PKN2: variants seen among roughly 807,000 people sequenced by gnomAD.
The protein encoded by PKN2 is serine/threonine-protein kinase N2.
A neutral mutation model predicts 119.1 loss-of-function variants in PKN2; 38 were observed. That is an observed-to-expected ratio of 0.32 (90% confidence interval 0.25 to 0.42). The LOEUF is 0.42. Among genes scored for constraint, PKN2 ranks in the 10% least tolerant of loss-of-function variants. PKN2 has a pLI of 1.00. For synonymous variants in PKN2, 390 were observed against 384.9 expected (o/e 1.01, Z -0.15); for missense variants, 850 against 1,165.1 (o/e 0.73, Z 3.94).
intron 1 of PKN2, among the ~76,000 whole-genome samples, chr1:88,723,241 G>A (rs76343699): frequency 6.6e-6 from 1 of 151,720 alleles, no homozygotes; most frequent in Non-Finnish European, 1.5e-5. Context: ...AGCCTCATGA[G>A]TAGCTGGGAT....
At chr1:88,830,083 T>C (rs1010816966) in intron 19 of PKN2, among the ~76,000 whole-genome samples, 4 of 152,182 alleles carry the variant, frequency 2.6e-5, no homozygotes, top group African/African-American at 7.2e-5. Flanking sequence ...ACTGATCTTC[T>C]GCCCATTTTC....
At chr1:88,764,813 A>G (rs1259243205) in intron 3 of PKN2, among the ~76,000 whole-genome samples, 2 of 152,178 alleles carry the variant, frequency 1.3e-5, no homozygotes, top group African/African-American at 4.8e-5. Flanking sequence ...GGCTTTAAGC[A>G]GCATCATTGG....
In PKN2 at chr1:88,833,828, T is replaced by TAAGTGATTAACTTATA. The variant is rs1672833567; in HGVS notation, c.*380_*381insAAGTGATTAACTTATA. 1 of 166,796 alleles carries TAAGTGATTAACTTATA rather than the reference T, an allele frequency of 6.0e-6. No individual in the cohort carries two copies. The highest frequency in any genetic ancestry group is 6.1e-5 in the Admixed American group (1 of 16,426). The allele number at this position is 166,796 out of a possible 1,614,324, so 10.3% of individuals were successfully genotyped here. A position where few individuals can be genotyped will look rare whatever the true frequency, so the allele number is the denominator to read the frequency against. On this transcript the variant is annotated 3_prime_UTR_variant, in exon 22 of 22. Transcript: ENST00000370521. ...GGAAGGAAAGTTAATCACTTAACTA[T>TAAGTGATTAACTTATA]GTTTTATAAAAAGAAAAAAGGGCTT...
chr1:88,821,421 C>G (rs1462610636), intron 16 of PKN2, among the ~76,000 whole-genome samples: 1 of 152,146 alleles, frequency 6.6e-6, no homozygotes, highest in Admixed American at 6.5e-5. Context: ...TTCTCTGTCA[C>G]TAAGAGAAAA....
intron 2 of PKN2, among the ~76,000 whole-genome samples, chr1:88,759,408 G>C (rs1669350507): frequency 6.6e-6 from 1 of 152,160 alleles, no homozygotes; most frequent in Non-Finnish European, 1.5e-5. Context: ...ATCTCATTGT[G>C]ATTATGATTT....
intron 16 of PKN2, chr1:88,815,290 T>C (rs1213208178): frequency 5.6e-6 from 1 of 179,292 alleles, no homozygotes; most frequent in East Asian, 1.8e-4. Context: ...CAATGCTGCA[T>C]TACAGAACTC....
In PKN2 at chr1:88,810,641, C is replaced by G. The variant is rs148604188; in HGVS notation, c.2102+2866C>G. ...ATATTTTTTGAGACAGAGTCTCACT[C>G]TATTGTCCAGGCTGGAGTGCAGTGG... On this transcript the variant is annotated intron_variant, in intron 15 of 21. Transcript: ENST00000370521. Among the ~76,000 whole-genome samples, 1,408 of 152,212 alleles carry G rather than the reference C, an allele frequency of 9.3e-3. 15 individuals carry two copies. Among genetic ancestry groups the G allele is most frequent in the African/African-American group, 0.032 (1,312 of 41,528 alleles).
At chr1:88,833,197 G>A (rs1300158858) in intron 21 of PKN2, 40 bp downstream of exon 21, 5 of 1,609,122 alleles carry the variant, frequency 3.1e-6, no homozygotes, top group Admixed American at 3.4e-5. Flanking sequence ...AAACTAGAGC[G>A]ATTAGATTTA....
At chr1:88,703,445 A>AT (rs532143294) in intron 1 of PKN2, among the ~76,000 whole-genome samples, 633 of 152,224 alleles carry the variant, frequency 4.2e-3, no homozygotes, top group Non-Finnish European at 6.9e-3. Context: ...TTATTTATAT[A>AT]TTTTTAAAGT....
chr1:88,774,514 T>C (rs1020436472), intron 6 of PKN2, among the ~76,000 whole-genome samples: 1 of 152,080 alleles, frequency 6.6e-6, no homozygotes, highest in Non-Finnish European at 1.5e-5. Flanking sequence ...CGCCTATCAC[T>C]GGGGGAAATT....
At chr1:88,733,866 T>C (rs1193753754) in intron 1 of PKN2, among the ~76,000 whole-genome samples, 1 of 152,202 alleles carries the variant, frequency 6.6e-6, no homozygotes, top group Non-Finnish European at 1.5e-5. Flanking sequence ...GAGTATCATG[T>C]TGGCAATCAA....
intron 17 of PKN2, among the ~76,000 whole-genome samples, chr1:88,823,703 T>TAAA (rs61234342): frequency 1.1e-4 from 7 of 65,780 alleles, no homozygotes; most frequent in South Asian, 5.7e-4. Flanking sequence ...GACTCTGTCT[T>TAAA]AAAAAAAAAA....
At chr1:88,758,359 A>G (rs1669300256) in intron 2 of PKN2, among the ~76,000 whole-genome samples, 1 of 144,330 alleles carries the variant, frequency 6.9e-6, no homozygotes, top group Non-Finnish European at 1.5e-5. Flanking sequence ...AAACCTATAA[A>G]ACAACATATT....
chr1:88,725,370 A>G (rs1667855445), intron 1 of PKN2, among the ~76,000 whole-genome samples: 1 of 152,210 alleles, frequency 6.6e-6, no homozygotes, highest in African/African-American at 2.4e-5. Context: ...CCATACAGCA[A>G]TGTATGAGAG....
Position 88,809,483 on chromosome 1 carries a change from A to G in PKN2, c.2102+1708A>G, listed in dbSNP as rs936402109. On this transcript the variant is annotated intron_variant, in intron 15 of 21. Coordinates refer to ENST00000370521, the MANE Select transcript of PKN2 (RefSeq NM_006256.4). The stretch of plus-strand genomic sequence containing the variant: ...CTGTTTACTACTTCTATTAATCTTG[A>G]TTTACGTGGGCTTCTGCTACCTTGT... Among the ~76,000 whole-genome samples the G allele has an allele frequency of 5.9e-5, 9 of 152,298 alleles. 1 individual carries two copies. The highest frequency in any genetic ancestry group is 5.2e-4 in the Admixed American group (8 of 15,292).
chr1:88,732,759 C>G (rs1668191784), intron 1 of PKN2, among the ~76,000 whole-genome samples: 1 of 151,946 alleles, frequency 6.6e-6, no homozygotes, highest in South Asian at 2.1e-4. Flanking sequence ...GTTTTATATT[C>G]CCAACTTTTT....
intron 1 of PKN2, among the ~76,000 whole-genome samples, chr1:88,703,065 G>A (rs934998102): frequency 3.6e-4 from 54 of 152,052 alleles, no homozygotes; most frequent in African/African-American, 1.2e-3. Flanking sequence ...CTACCTTCCC[G>A]CACTCCTTGT....
chr1:88,796,209 A>G (rs964837236), intron 8 of PKN2, among the ~76,000 whole-genome samples: 1 of 152,170 alleles, frequency 6.6e-6, no homozygotes, highest in Admixed American at 6.5e-5. Flanking sequence ...AAACTGATTG[A>G]GCATCTGAAA....
At chr1:88,721,124 G>A (rs567256560) in intron 1 of PKN2, among the ~76,000 whole-genome samples, 5 of 150,870 alleles carry the variant, frequency 3.3e-5, no homozygotes, top group African/African-American at 7.3e-5. Context: ...TTTTTTTTTC[G>A]TCTGGGTAGA....
Sources: allele counts gnomAD v4.1 joint callset (sites outside exome capture counted in the v4.1 genomes callset), GRCh38; gene constraint gnomAD v4.1.1; transcripts MANE v1.5; gene names NCBI Gene and HGNC (gene_info 2026-07-23, HGNC 2026-07-21).